Variants in DSTYK observed in about 807,000 individuals in gnomAD.
The protein encoded by DSTYK is dual serine/threonine and tyrosine protein kinase.
In DSTYK, 34 loss-of-function variants were observed where a neutral mutation model predicts 98.7. The observed-to-expected ratio is 0.34, with a 90% CI of 0.26 to 0.46. The LOEUF is 0.46. Among genes scored for constraint, DSTYK ranks in the 20% least tolerant of loss-of-function variants. The pLI is 1.00. For synonymous variants in DSTYK, 462 were observed against 457.3 expected (o/e 1.01, Z -0.13); for missense variants, 962 against 1,181.7 (o/e 0.81, Z 2.73).
At position 205,144,966 on chromosome 1, in the gene DSTYK, C is replaced by T. The variant is rs1028562661; in HGVS notation, c.*2592G>A. ...AGGAATGTGACCTTCATAATGGAAG[C>T]ACAGACTTATGATTATAGTTAGAGT... On this transcript the variant is annotated 3_prime_UTR_variant, in exon 13 of 13. Transcript: ENST00000367162. The T allele has an allele frequency of 6.6e-6, 1 of 152,190 alleles. No individual in the cohort carries two copies. Among genetic ancestry groups the T allele is most frequent in the African/African-American group, 2.4e-5 (1 of 41,440 alleles). 9.4% of individuals were successfully genotyped at this position (152,190 alleles called of 1,614,324 possible). A position where few individuals can be genotyped will look rare whatever the true frequency, so the allele number is the denominator to read the frequency against.
chr1:205,151,793 T>A (rs1267151751), intron 10 of DSTYK, among the ~76,000 whole-genome samples: 1 of 152,006 alleles, frequency 6.6e-6, no homozygotes, highest in Non-Finnish European at 1.5e-5. Flanking sequence ...TATATCACTG[T>A]CTTCCACCTC....
At chr1:205,205,323 C>G (rs1190979440) in intron 1 of DSTYK, among the ~76,000 whole-genome samples, 4 of 152,156 alleles carry the variant, frequency 2.6e-5, no homozygotes. Flanking sequence ...TAAAATGAAG[C>G]TCTAAAGAAT....
chr1:205,161,147 G>T, intron 7 of DSTYK, 111 bp downstream of exon 7: 1 of 1,373,912 alleles, frequency 7.3e-7, no homozygotes, highest in Non-Finnish European at 1.0e-6. Flanking sequence ...AAGGGTTTAG[G>T]CAGCTTTGCA....
At position 205,207,774 on chromosome 1, in the gene DSTYK, AAAAAAAAAAAAAAAAAAAAG is replaced by A. The variant is rs1423318860; in HGVS notation, c.265+3477_265+3496del. ...CTGTCTCAAAAAAAAAAAAAAAAAAAAAAAAAAAAAAAAAAAAAAGAAAAAAAATACTTTTCCCTCTGCTA... is the reference window on the plus strand; with the variant it reads ...CTGTCTCAAAAAAAAAAAAAAAAAAAAAAAAAAATACTTTTCCCTCTGCTA... On this transcript the variant is annotated intron_variant, in intron 1 of 12. Coordinates refer to ENST00000367162, the MANE Select transcript of DSTYK (RefSeq NM_015375.3). Among the ~76,000 whole-genome samples, 12 of 109,164 alleles carry A rather than the reference AAAAAAAAAAAAAAAAAAAAG, an allele frequency of 1.1e-4. 1 individual carries two copies. In the East Asian group the frequency reaches 1.2e-3, roughly 11 times the overall value. The allele number at this position is 109,164 out of a possible 152,430, so 71.6% of individuals were successfully genotyped here.
chr1:205,176,682 A>T (rs547027367), intron 2 of DSTYK, among the ~76,000 whole-genome samples: 349 of 151,612 alleles, frequency 2.3e-3, no homozygotes, highest in African/African-American at 8.0e-3. Context: ...AGCTCAAGCG[A>T]TCCTCCTGCC....
Position 205,166,471 on chromosome 1 carries a change from C to CAA in DSTYK, c.1325-2518_1325-2517dup, listed in dbSNP as rs34123378. On this transcript the variant is annotated intron_variant, in intron 3 of 12. Coordinates refer to ENST00000367162, the MANE Select transcript of DSTYK (RefSeq NM_015375.3). Reference sequence around the variant, plus strand: ...GCAACACAGCAAGACCTCGTCTTTACAAAAAAAAAAAAAAATCTGGCTCCA... The same window carrying CAA: ...GCAACACAGCAAGACCTCGTCTTTACAAAAAAAAAAAAAAAAATCTGGCTCCA... 4.6e-3 allele frequency among the ~76,000 whole-genome samples: 604 copies of CAA among 131,228 alleles called. 3 individuals are homozygous for CAA. The highest frequency in any genetic ancestry group is 0.013 in the African/African-American group (447 of 33,784). 86.1% of individuals were successfully genotyped at this position (131,228 alleles called of 152,430 possible).
Position 205,160,242 on chromosome 1 carries a change from G to A in DSTYK, c.1977C>T (p.Gly659=). Residue 659 remains glycine, a synonymous_variant, in exon 8 of 13, where the codon GGC becomes GGT. Coordinates refer to ENST00000367162, the MANE Select transcript of DSTYK (RefSeq NM_015375.3). ...HRKPKLGQEL[G]RGQYGVVYLC... ...GGTATACCACACCATACTGGCCCCG[G>A]CCCAGTTCCTGTCCCAGTTTAGGTT... is the stretch of plus-strand genomic sequence containing the variant. 2 of 1,614,078 alleles carry A rather than the reference G, an allele frequency of 1.2e-6. No individual in the cohort carries two copies. Among genetic ancestry groups the A allele is most frequent in the Non-Finnish European group, 1.7e-6 (2 of 1,180,020 alleles).
At chr1:205,181,776 G>C (rs1255057452) in intron 2 of DSTYK, among the ~76,000 whole-genome samples, 1 of 150,892 alleles carries the variant, frequency 6.6e-6, no homozygotes, top group South Asian at 2.1e-4. Context: ...CGACCTCCTG[G>C]GCTCAAGTGA....
At chr1:205,202,184 C>T (rs1351016798) in intron 1 of DSTYK, 22 of 558,608 alleles carry the variant, frequency 3.9e-5, no homozygotes, top group South Asian at 1.8e-4. Context: ...TGAGGTAATC[C>T]GTGAAAATGG....
intron 2 of DSTYK, among the ~76,000 whole-genome samples, chr1:205,173,668 C>T (rs887285115): frequency 6.6e-6 from 1 of 151,098 alleles, no homozygotes; most frequent in East Asian, 1.9e-4. Context: ...ATTTTGTGTG[C>T]ACAACAGAAA....
At chr1:205,175,890 A>C (rs573152533) in intron 2 of DSTYK, among the ~76,000 whole-genome samples, 1 of 152,202 alleles carries the variant, frequency 6.6e-6, no homozygotes, top group South Asian at 2.1e-4. Flanking sequence ...AGCCACTTTC[A>C]ATCGGCATAT....
At chr1:205,154,141 G>A (rs1045159654) in intron 10 of DSTYK, among the ~76,000 whole-genome samples, 1 of 151,968 alleles carries the variant, frequency 6.6e-6, no homozygotes, top group African/African-American at 2.4e-5. Context: ...ATGAGTTTGG[G>A]TGAAGGGTAT....
chr1:205,154,323 T>G (rs887986357), intron 10 of DSTYK, among the ~76,000 whole-genome samples: 1 of 152,180 alleles, frequency 6.6e-6, no homozygotes, highest in South Asian at 2.1e-4. Flanking sequence ...CTGATATGAT[T>G]TGTCCCCATC....
At chr1:205,200,942 G>T (rs1659014308) in intron 1 of DSTYK, among the ~76,000 whole-genome samples, 1 of 150,974 alleles carries the variant, frequency 6.6e-6, no homozygotes, top group South Asian at 2.1e-4. Context: ...TTTCACTCTT[G>T]TTGCCCAGGC....
At chr1:205,183,453 A>G (rs1658479139) in intron 2 of DSTYK, among the ~76,000 whole-genome samples, 1 of 152,240 alleles carries the variant, frequency 6.6e-6, no homozygotes, top group East Asian at 1.9e-4. Context: ...CTATTCTGGA[A>G]CAAACTGAAA....
intron 3 of DSTYK, among the ~76,000 whole-genome samples, chr1:205,165,038 T>A (rs545747704): frequency 1.3e-5 from 2 of 152,144 alleles, no homozygotes; most frequent in Non-Finnish European, 2.9e-5. Context: ...AATTTCACAC[T>A]CCCTAGCATA....
At chr1:205,148,648 G>C (rs1263625444) in intron 11 of DSTYK, among the ~76,000 whole-genome samples, 9 of 152,088 alleles carry the variant, frequency 5.9e-5, no homozygotes, top group Non-Finnish European at 1.5e-5. Flanking sequence ...GGTCATATTA[G>C]GGAAATAAAG....
chr1:205,164,465 C>CTT (rs11438607), intron 3 of DSTYK, among the ~76,000 whole-genome samples: 121 of 143,260 alleles, frequency 8.4e-4, no homozygotes, highest in Middle Eastern at 3.6e-3. Context: ...ATTTTGTTAG[C>CTT]TTTTTTTTTT....
rs12120595 is a variant in DSTYK at position 205,150,453 on chromosome 1, C to T, written c.2467+227G>A. The stretch of plus-strand genomic sequence containing the variant: ...ATTATGGCAGTTATGGCACTAATAA[C>T]CGAGAGAGATGTCCAAATGGTGATT... On this transcript the variant is annotated intron_variant, in intron 11 of 12. Transcript: ENST00000367162. This position sits in a 1 kb window ranked among gnomAD's most constrained non-coding sequence, Gnocchi z 4.1. Among the ~76,000 whole-genome samples the T allele has an allele frequency of 0.19, 28,491 of 151,938 alleles. 3,441 individuals carry two copies. The highest frequency in any genetic ancestry group is 0.51 in the East Asian group (2,620 of 5,118).
Sources: gnomAD v4.1 joint callset for allele counts (sites outside exome capture counted in the v4.1 genomes callset) on GRCh38, gnomAD v4.1.1 for gene constraint, Gnocchi (gnomAD v3.1) non-coding constraint, MANE v1.5 for transcripts, NCBI Gene and HGNC (gene_info 2026-07-23, HGNC 2026-07-21) for gene names.